CCDC178: variants seen among roughly 807,000 people sequenced by gnomAD.
The protein encoded by CCDC178 is coiled-coil domain containing 178.
Under a neutral mutation model 117.4 loss-of-function variants are expected in CCDC178, and 126 were observed. That is an observed-to-expected ratio of 1.07 (90% CI 0.93 to 1.24). The LOEUF (loss-of-function observed/expected upper bound fraction) is 1.24. CCDC178 is among the 50% of genes most tolerant of loss of function. The pLI is 0.00. For missense variants in CCDC178, 1,030 were observed against 986.9 expected, an observed-to-expected ratio of 1.04 and a Z score of -0.59; for synonymous variants, 283 against 313.4, an observed-to-expected ratio of 0.90 and a Z score of 1.02.
At chr18:33,225,084 A>C (rs2059286522) in intron 16 of CCDC178, 148 bp from the exon 17 acceptor site, 1 of 327,772 alleles carries the variant, frequency 3.1e-6, no homozygotes. Flanking sequence ...TACGAATGTA[A>C]TATATATTAC....
rs532722939 is a variant in CCDC178, at chr18:33,418,078, A to G, written c.-22-5968T>C. On this transcript the variant is annotated intron_variant, in intron 2 of 22. Transcript: ENST00000383096. ...TCAGGCCACTCTCCTTGATGAACAT[A>G]GATGCAAAAATTCTCAACGAAATAC... Among the ~76,000 whole-genome samples the G allele has an allele frequency of 5.9e-5, 9 of 152,286 alleles. No individual in the cohort carries two copies. The East Asian group carries it at 1.7e-3, about 29-fold the overall frequency.
intron 20 of CCDC178, among the ~76,000 whole-genome samples, chr18:33,104,314 C>T (rs746320989): frequency 1.3e-5 from 2 of 151,674 alleles, no homozygotes; most frequent in African/African-American, 2.4e-5. Context: ...GAGATTTCTT[C>T]TACCAACTAG....
At chr18:33,182,137 T>C (rs1431965587) in intron 20 of CCDC178, among the ~76,000 whole-genome samples, 1 of 151,956 alleles carries the variant, frequency 6.6e-6, no homozygotes, top group East Asian at 1.9e-4. Context: ...TATCATGGAA[T>C]ATATCACTTT....
At chr18:33,437,481 GT>G (rs1160966593) in intron 2 of CCDC178, among the ~76,000 whole-genome samples, 2 of 152,220 alleles carry the variant, frequency 1.3e-5, no homozygotes, top group South Asian at 2.1e-4. Flanking sequence ...AAATCCAAAG[GT>G]TTTCCAGGAT....
intron 21 of CCDC178, among the ~76,000 whole-genome samples, chr18:33,057,960 C>T (rs930937567): frequency 3.3e-5 from 5 of 152,116 alleles, no homozygotes; most frequent in Admixed American, 3.3e-4. Flanking sequence ...TAGCACTTCT[C>T]ACCCTCTAGG....
intron 20 of CCDC178, among the ~76,000 whole-genome samples, chr18:33,153,172 T>A (rs1481836561): frequency 1.3e-5 from 2 of 148,230 alleles, no homozygotes; most frequent in Admixed American, 6.8e-5. Flanking sequence ...TATTATATAT[T>A]ATATATATTA....
chr18:33,187,475 A>G lies in CCDC178; in HGVS notation c.2238+24421T>C, dbSNP rs78442026. Among the ~76,000 whole-genome samples, 840 of 152,184 alleles carry G rather than the reference A, an allele frequency of 5.5e-3. 5 individuals carry two copies. The highest frequency in any genetic ancestry group is 0.01 in the Middle Eastern group (3 of 294). On this transcript the variant is annotated intron_variant, in intron 20 of 22. Transcript: ENST00000383096. ...AGAGAAATACTGACCTCTTTAAGAC[A>G]CACCCTCAATACATCTCATTCCTTC...
chr18:33,394,797 T>C (rs1249981132), intron 4 of CCDC178, among the ~76,000 whole-genome samples: 1 of 150,766 alleles, frequency 6.6e-6, no homozygotes, highest in Non-Finnish European at 1.5e-5. Context: ...TTAAATTATA[T>C]AAGCCAGAAA....
rs755685926 is a variant in CCDC178 at position 33,156,082 on chromosome 18, C to CTTT, written c.2238+55811_2238+55813dup. ...CAGATGTCTGGCCAGCTAGAAAACA[C>CTTT]TTTTTTTTTTTTTTTTTTTTTTTTG... On this transcript the variant is annotated intron_variant, in intron 20 of 22. Transcript: ENST00000383096. Among the ~76,000 whole-genome samples the CTTT allele has an allele frequency of 3.9e-3, 378 of 98,028 alleles. 4 individuals are homozygous for CTTT. Among genetic ancestry groups the CTTT allele is most frequent in the East Asian group, 8.3e-3 (23 of 2,774 alleles). 64.3% of individuals were successfully genotyped at this position (98,028 alleles called of 152,430 possible).
At chr18:33,008,101 C>T (rs1272275325) in intron 21 of CCDC178, among the ~76,000 whole-genome samples, 1 of 152,062 alleles carries the variant, frequency 6.6e-6, no homozygotes, top group African/African-American at 2.4e-5. Context: ...AGAATATTGG[C>T]ATGAATGTTT....
At chr18:33,411,026 G>C (rs1186475726) in intron 3 of CCDC178, among the ~76,000 whole-genome samples, 3 of 152,132 alleles carry the variant, frequency 2.0e-5, no homozygotes, top group Non-Finnish European at 4.4e-5. Context: ...GATCAGTAAT[G>C]GTACTGAATT....
chr18:33,043,262 C>T lies in CCDC178; in HGVS notation c.2388+49499G>A, dbSNP rs59221699. The stretch of plus-strand genomic sequence containing the variant: ...AGTAAAAAAACTATCTAAAAAGGAA[C>T]TAATACTGAAGAAACTGTCATATTG... On this transcript the variant is annotated intron_variant, in intron 21 of 22. Transcript: ENST00000383096. Among the ~76,000 whole-genome samples the T allele has an allele frequency of 3.3e-5, 5 of 151,942 alleles. 1 individual carries two copies. The highest frequency in any genetic ancestry group is 7.4e-5 in the Non-Finnish European group (5 of 67,920).
chr18:32,989,785 G>A (rs1007354497), intron 21 of CCDC178, among the ~76,000 whole-genome samples: 1 of 151,964 alleles, frequency 6.6e-6, no homozygotes, highest in African/African-American at 2.4e-5. Flanking sequence ...TTATATGGGA[G>A]GGCCTGAGCA....
At chr18:33,032,680 C>A (rs1181968077) in intron 21 of CCDC178, among the ~76,000 whole-genome samples, 1 of 151,976 alleles carries the variant, frequency 6.6e-6, no homozygotes, top group African/African-American at 2.4e-5. Context: ...TCAAGAAGAC[C>A]TTCATATGCA....
chr18:33,040,271 A>C (rs2056523550), intron 21 of CCDC178, among the ~76,000 whole-genome samples: 1 of 152,014 alleles, frequency 6.6e-6, no homozygotes, highest in Non-Finnish European at 1.5e-5. Flanking sequence ...ATACATATGC[A>C]TATATATAAA....
At chr18:32,983,479 C>A in intron 21 of CCDC178, 2 of 557,846 alleles carry the variant, frequency 3.6e-6, no homozygotes, top group Middle Eastern at 4.8e-4. Flanking sequence ...TCACATTTGA[C>A]AAAGAAGAGA....
Position 33,284,835 on chromosome 18 carries a change from G to GACAGAAAT in CCDC178, c.1176+8316_1176+8323dup, listed in dbSNP as rs530211408. On this transcript the variant is annotated intron_variant, in intron 12 of 22. Transcript: ENST00000383096. Reference sequence around the variant, plus strand: ...TGAGAACGCAAGGAGAGAAATTGAAGACAGAAATGACTTTCAAAGAATTTT... The same window carrying GACAGAAAT: ...TGAGAACGCAAGGAGAGAAATTGAAGACAGAAATACAGAAATGACTTTCAAAGAATTTT... 5.3e-5 allele frequency among the ~76,000 whole-genome samples: 8 copies of GACAGAAAT among 152,136 alleles called. No homozygotes were observed. The South Asian group carries it at 1.7e-3, about 32-fold the overall frequency.
intron 21 of CCDC178, among the ~76,000 whole-genome samples, chr18:33,090,260 T>C (rs951757566): frequency 4.6e-5 from 7 of 152,186 alleles, no homozygotes; most frequent in African/African-American, 1.2e-4. Flanking sequence ...AATGTATACT[T>C]TGTATAGAGA....
At chr18:33,357,998 C>T (rs2063079473) in intron 6 of CCDC178, among the ~76,000 whole-genome samples, 1 of 151,930 alleles carries the variant, frequency 6.6e-6, no homozygotes, top group Non-Finnish European at 1.5e-5. Flanking sequence ...AGTGGTATAG[C>T]CTACTACACA....
Sources: gnomAD v4.1 joint callset for allele counts (sites outside exome capture counted in the v4.1 genomes callset) on GRCh38, gnomAD v4.1.1 for gene constraint, MANE v1.5 for transcripts, NCBI Gene and HGNC (gene_info 2026-07-23, HGNC 2026-07-21) for gene names.